Variants in MAST4 observed in about 807,000 individuals in gnomAD.
MAST4 encodes the protein microtubule-associated serine/threonine-protein kinase 4.
Under a neutral mutation model 162.7 loss-of-function variants are expected in MAST4, and 89 were observed. The observed-to-expected ratio is 0.55, with a 90% CI of 0.46 to 0.65. The LOEUF (loss-of-function observed/expected upper bound fraction) is 0.65, where lower values mean the gene tolerates loss of function less well. Ranked by LOEUF, MAST4 falls within the 30% of genes least tolerant of loss-of-function variation. MAST4 has a pLI of 0.00. For missense variants in MAST4, 3,153 were observed against 3,374.0 expected, an observed-to-expected ratio of 0.93 and a Z score of 1.62; for synonymous variants, 1,479 against 1,361.1, an observed-to-expected ratio of 1.09 and a Z score of -1.91.
At chr5:67,139,162 C>T (rs1770065612) in intron 19 of MAST4, among the ~76,000 whole-genome samples, 2 of 152,170 alleles carry the variant, frequency 1.3e-5, no homozygotes, top group Admixed American at 6.5e-5. Context: ...ATGACAGGTC[C>T]CAGTAGGGCC....
chr5:66,806,743 ATTTTCT>A (rs1425269268), intron 3 of MAST4, among the ~76,000 whole-genome samples: 1 of 152,104 alleles, frequency 6.6e-6, no homozygotes. Flanking sequence ...TTAAGCATAC[ATTTTCT>A]TTTTGTGCAT....
At chr5:67,110,784 G>A (rs1056794600) in intron 11 of MAST4, among the ~76,000 whole-genome samples, 1 of 152,204 alleles carries the variant, frequency 6.6e-6, no homozygotes, top group Non-Finnish European at 1.5e-5. Flanking sequence ...AGCACTTTGG[G>A]AGGCCGAGAC....
intron 1 of MAST4, among the ~76,000 whole-genome samples, chr5:66,702,178 C>T (rs1749823058): frequency 6.6e-6 from 1 of 152,210 alleles, no homozygotes. Context: ...GGCTGCTGGA[C>T]CTGCTGGCCC....
intron 1 of MAST4, among the ~76,000 whole-genome samples, chr5:66,626,438 ATCTTGGAGAAGGTGCAATAC>A (rs1744433761): frequency 6.6e-6 from 1 of 152,218 alleles, no homozygotes. Flanking sequence ...CTCACTGTAT[ATCTTGGAGAAGGTGCAATAC>A]TCTTCCGCTG....
At chr5:67,093,377 G>A (rs1369526499) in intron 6 of MAST4, among the ~76,000 whole-genome samples, 1 of 152,156 alleles carries the variant, frequency 6.6e-6, no homozygotes, top group East Asian at 1.9e-4. Flanking sequence ...TTGTTAGCAG[G>A]ATTGTACTTG....
intron 4 of MAST4, chr5:66,958,871 T>A (rs1454364563): frequency 4.7e-6 from 1 of 214,170 alleles, no homozygotes; most frequent in Non-Finnish European, 9.5e-6. Context: ...ACTGTTGCTT[T>A]ATTTTTTTGC....
At chr5:66,676,609 T>A (rs1184576748) in intron 1 of MAST4, among the ~76,000 whole-genome samples, 1 of 152,212 alleles carries the variant, frequency 6.6e-6, no homozygotes, top group Non-Finnish European at 1.5e-5. Context: ...AGTAAATATT[T>A]GATTTGAAAA....
intron 1 of MAST4, among the ~76,000 whole-genome samples, chr5:66,700,432 A>G (rs901854030): frequency 6.6e-6 from 1 of 152,108 alleles, no homozygotes; most frequent in African/African-American, 2.4e-5. Context: ...TGAATTTTAT[A>G]TTAACCTTGT....
At chr5:66,750,974 G>C (rs1358908875) in intron 1 of MAST4, among the ~76,000 whole-genome samples, 6 of 152,192 alleles carry the variant, frequency 3.9e-5, no homozygotes, top group Non-Finnish European at 7.3e-5. Context: ...GCCTTCTCAA[G>C]TGGGTCCCTG....
chr5:66,628,669 T>A (rs1220812643), intron 1 of MAST4, among the ~76,000 whole-genome samples: 1 of 152,126 alleles, frequency 6.6e-6, no homozygotes, highest in Admixed American at 6.5e-5. Context: ...GAAGTTAGCA[T>A]ACAAGAATGT....
chr5:67,060,112 T>TCTTCATTA (rs1243711406), intron 5 of MAST4, among the ~76,000 whole-genome samples: 1 of 152,160 alleles, frequency 6.6e-6, no homozygotes, highest in Non-Finnish European at 1.5e-5. Context: ...AAACAGAATA[T>TCTTCATTA]CTTCATTATT....
intron 4 of MAST4, among the ~76,000 whole-genome samples, chr5:67,024,051 A>G (rs1754313432): frequency 6.6e-6 from 1 of 151,658 alleles, no homozygotes; most frequent in African/African-American, 2.4e-5. Flanking sequence ...ATTAAAGAGC[A>G]ACTCCCCATT....
At chr5:66,907,089 T>C (rs35491671) in intron 4 of MAST4, among the ~76,000 whole-genome samples, 25,050 of 150,732 alleles carry the variant, frequency 0.17, 2,787 homozygotes, top group African/African-American at 0.3. Flanking sequence ...AGATTAAGCT[T>C]GTGGACATAT....
intron 5 of MAST4, among the ~76,000 whole-genome samples, chr5:67,078,878 A>AT (rs1360743277): frequency 9.2e-5 from 10 of 108,308 alleles, no homozygotes; most frequent in African/African-American, 3.8e-4. Flanking sequence ...ATATTTATAT[A>AT]AATATATTTA....
chr5:66,672,344 C>A (rs9687339), intron 1 of MAST4, among the ~76,000 whole-genome samples: 47,343 of 151,980 alleles, frequency 0.31, 7,741 homozygotes, highest in African/African-American at 0.4. Context: ...CCCTCCCTTT[C>A]CTTTTATCCC....
At chr5:66,663,205 C>T (rs189739049) in intron 1 of MAST4, among the ~76,000 whole-genome samples, 1 of 152,212 alleles carries the variant, frequency 6.6e-6, no homozygotes, top group Admixed American at 6.5e-5. Flanking sequence ...CCACCCACCT[C>T]AGTGCATGTG....
intron 2 of MAST4, among the ~76,000 whole-genome samples, chr5:66,775,116 A>G (rs1321947246): frequency 6.6e-6 from 1 of 151,570 alleles, no homozygotes; most frequent in Non-Finnish European, 1.5e-5. Flanking sequence ...GTACTCTTTG[A>G]TGTCTAAAAG....
intron 1 of MAST4, among the ~76,000 whole-genome samples, chr5:66,689,389 C>G (rs1748894265): frequency 6.6e-6 from 1 of 152,168 alleles, no homozygotes; most frequent in African/African-American, 2.4e-5. Flanking sequence ...TTGGAGTACT[C>G]ACTTAAACTG....
intron 4 of MAST4, chr5:66,986,612 A>ATT (rs1481261991): frequency 2.9e-5 from 7 of 241,882 alleles, no homozygotes; most frequent in South Asian, 1.6e-4. Context: ...ATATATATAT[A>ATT]TATATATTTA....
Sources: allele counts gnomAD v4.1 joint callset (sites outside exome capture counted in the v4.1 genomes callset), GRCh38; gene constraint gnomAD v4.1.1; transcripts MANE v1.5; gene names NCBI Gene and HGNC (gene_info 2026-07-23, HGNC 2026-07-21).